Variants in DNAH3 observed in about 807,000 individuals in gnomAD.
The protein encoded by DNAH3 is dynein axonemal heavy chain 3, also known as axonemal beta dynein heavy chain 3.
DNAH3 carries 332 observed loss-of-function variants against 432.5 expected under a neutral mutation model. The ratio of observed to expected loss-of-function variants is 0.77; its 90% CI spans 0.70 to 0.84. The LOEUF (loss-of-function observed/expected upper bound fraction) is 0.84. Among genes scored for constraint, DNAH3 ranks in the 40% least tolerant of loss-of-function variants. The pLI is 0.00. For synonymous variants in DNAH3, 1,956 were observed against 1,900.2 expected (o/e 1.03, Z -0.76); for missense variants, 4,861 against 5,114.0 (o/e 0.95, Z 1.51).
intron 43 of DNAH3, among the ~76,000 whole-genome samples, chr16:20,999,871 A>G (rs1198874075): frequency 6.6e-6 from 1 of 152,212 alleles, no homozygotes; most frequent in African/African-American, 2.4e-5. Flanking sequence ...GTTTATCACA[A>G]GGTGTGTGTT....
chr16:21,042,962 A>G (rs1396850022), intron 31 of DNAH3, among the ~76,000 whole-genome samples: 6 of 152,000 alleles, frequency 3.9e-5, no homozygotes, highest in African/African-American at 1.5e-4. Flanking sequence ...GAGAATGATG[A>G]TTTCCAGTTT....
intron 41 of DNAH3, among the ~76,000 whole-genome samples, chr16:21,005,787 T>C (rs2087271195): frequency 6.6e-6 from 1 of 151,808 alleles, no homozygotes; most frequent in African/African-American, 2.4e-5. Context: ...GTGAGAGTAA[T>C]AGTCTATGTC....
At chr16:21,097,046 C>T (rs1227559698) in intron 18 of DNAH3, among the ~76,000 whole-genome samples, 1 of 152,144 alleles carries the variant, frequency 6.6e-6, no homozygotes, top group East Asian at 1.9e-4. Context: ...GGCACCCTGG[C>T]ACCCTGGTCT....
At chr16:21,136,632 G>T in intron 5 of DNAH3, 119 bp from the exon 7 acceptor site, 1 of 918,376 alleles carries the variant, frequency 1.1e-6, no homozygotes, top group Non-Finnish European at 1.7e-6. Context: ...CCCTTCACTT[G>T]CCATAACCAT....
chr16:20,954,501 G>A (rs977002846), intron 55 of DNAH3, among the ~76,000 whole-genome samples: 1 of 151,800 alleles, frequency 6.6e-6, no homozygotes, highest in Non-Finnish European at 1.5e-5. Context: ...TGTTACCCAG[G>A]CTGGTCTCGA....
At chr16:21,052,451 T>G (rs2089993390) in intron 28 of DNAH3, among the ~76,000 whole-genome samples, 1 of 152,244 alleles carries the variant, frequency 6.6e-6, no homozygotes, top group South Asian at 2.1e-4. Flanking sequence ...AGGTGCGTGC[T>G]CTGAAATCAG....
chr16:21,081,692 G>T, exon 20 of DNAH3: 1 of 1,613,924 alleles, frequency 6.2e-7, no homozygotes, highest in Non-Finnish European at 8.5e-7. Context: ...AGGTCGTTTC[G>T]GTGGGCTTTA....
chr16:21,110,955 T>C (rs780640620), intron 14 of DNAH3, among the ~76,000 whole-genome samples: 1 of 152,156 alleles, frequency 6.6e-6, no homozygotes, highest in African/African-American at 2.4e-5. Context: ...CCGTGCACTG[T>C]GACTGTACCT....
At chr16:20,936,344 C>T (rs1017435985) in intron 60 of DNAH3, among the ~76,000 whole-genome samples, 3 of 152,012 alleles carry the variant, frequency 2.0e-5, no homozygotes, top group African/African-American at 4.8e-5. Flanking sequence ...TTAGTAGAGA[C>T]GGGGTTTCAC....
At position 21,139,320 on chromosome 16, in the gene DNAH3, C is replaced by CTTTTTTTTTTTT. The variant is rs9302391; in HGVS notation, c.696+1204_696+1215dup. 8.2e-3 allele frequency among the ~76,000 whole-genome samples: 244 copies of CTTTTTTTTTTTT among 29,630 alleles called. 52 individuals are homozygous for CTTTTTTTTTTTT. The highest frequency in any genetic ancestry group is 0.031 in the Middle Eastern group (1 of 32). 19.4% of individuals were successfully genotyped at this position (29,630 alleles called of 152,430 possible). A position where few individuals can be genotyped will look rare whatever the true frequency, so the allele number is the denominator to read the frequency against. On this transcript the variant is annotated intron_variant, in intron 5 of 61. Transcript: ENST00000261383. Reference sequence around the variant, plus strand: ...AATGTAGCTTGAGACTTTCCTCATGCTTTTTTTTTTTTTTTTTTTTTTTTT... The same window carrying CTTTTTTTTTTTT: ...AATGTAGCTTGAGACTTTCCTCATGCTTTTTTTTTTTTTTTTTTTTTTTTTTTTTTTTTTTTT...
intron 1 of DNAH3, among the ~76,000 whole-genome samples, chr16:21,147,892 C>T (rs7191235): frequency 0.46 from 69,365 of 152,058 alleles, 16,124 homozygotes; most frequent in East Asian, 0.69. Flanking sequence ...GAAACTGCAA[C>T]TTGTTCCAAC....
At chr16:21,115,566 G>T (rs962919146) in intron 12 of DNAH3, among the ~76,000 whole-genome samples, 2 of 151,784 alleles carry the variant, frequency 1.3e-5, no homozygotes, top group Admixed American at 6.6e-5. Context: ...AATCGGCTGG[G>T]CGTGGTGGCA....
intron 3 of DNAH3, 39 bp from the exon 5 acceptor site, chr16:21,141,411 T>C (rs774606725): frequency 2.0e-6 from 3 of 1,480,558 alleles, no homozygotes; most frequent in African/African-American, 2.8e-5. Flanking sequence ...TGATGGGCAA[T>C]GGCCTTGGGC....
At chr16:21,020,022 ATTTT>A (rs140295740) in intron 40 of DNAH3, among the ~76,000 whole-genome samples, 153 bp from the exon 41 acceptor site, 1 of 138,496 alleles carries the variant, frequency 7.2e-6, no homozygotes, top group Non-Finnish European at 1.6e-5. Context: ...TTTCACATGC[ATTTT>A]TTTTTTTTTT....
intron 25 of DNAH3, among the ~76,000 whole-genome samples, chr16:21,060,998 C>T (rs889569440): frequency 5.9e-5 from 9 of 151,680 alleles, no homozygotes; most frequent in African/African-American, 1.9e-4. Context: ...CCACCATGCC[C>T]GGCTAACTTT....
intron 57 of DNAH3, among the ~76,000 whole-genome samples, chr16:20,947,118 C>T (rs1203382973): frequency 6.6e-6 from 1 of 152,010 alleles, no homozygotes; most frequent in East Asian, 1.9e-4. Flanking sequence ...AGCCACTGCA[C>T]CTGACCTGAT....
In DNAH3 at chr16:21,027,285, T is replaced by C. The variant is rs1370231189; in HGVS notation, c.5440-158A>G. Reference sequence around the variant, plus strand: ...GCACTGTTATGCACTAACTCCTAGGTGCATAAAATAAAACACAAAATTTCC... The same window carrying C: ...GCACTGTTATGCACTAACTCCTAGGCGCATAAAATAAAACACAAAATTTCC... On this transcript the variant is annotated intron_variant, in intron 37 of 61. Transcript: ENST00000261383. Among the ~76,000 whole-genome samples, 4 of 152,302 alleles carry C rather than the reference T, an allele frequency of 2.6e-5. No individual in the cohort carries two copies. In the East Asian group the frequency reaches 7.7e-4, roughly 29 times the overall value.
chr16:21,060,125 T>G, intron 26 of DNAH3, 139 bp downstream of exon 26: 1 of 676,780 alleles, frequency 1.5e-6, no homozygotes, highest in South Asian at 1.8e-5. Context: ...GGTTCACAAG[T>G]GAAGGAAAGA....
At chr16:21,140,548 T>C in exon 5 of DNAH3, 1 of 1,614,068 alleles carries the variant, frequency 6.2e-7, no homozygotes, top group Non-Finnish European at 8.5e-7. Flanking sequence ...CCAGGTCCGA[T>C]TCAGATGGCT....
Sources: gnomAD v4.1 joint callset for allele counts (sites outside exome capture counted in the v4.1 genomes callset) on GRCh38, gnomAD v4.1.1 for gene constraint, MANE v1.5 for transcripts, NCBI Gene and HGNC (gene_info 2026-07-23, HGNC 2026-07-21) for gene names.